The following UNC13C variants were observed in gnomAD, a reference collection of about 807,000 sequenced individuals.
UNC13C encodes protein unc-13 homolog C.
A neutral mutation model predicts 245.4 loss-of-function variants in UNC13C; 174 were observed. The observed-to-expected ratio is 0.71, with a 90% CI of 0.63 to 0.80. The LOEUF is 0.80. Among genes scored for constraint, UNC13C ranks in the 30% least tolerant of loss-of-function variants. The probability of loss-of-function intolerance (pLI) is 0.00; values close to 1 mark genes in which losing one functional copy is unlikely to be tolerated. For missense variants in UNC13C, 2,829 were observed against 2,602.9 expected, an observed-to-expected ratio of 1.09 and a Z score of -1.89; for synonymous variants, 992 against 895.1, an observed-to-expected ratio of 1.11 and a Z score of -1.93.
chr15:54,130,116 T>C (rs1304737821), intron 2 of UNC13C, among the ~76,000 whole-genome samples: 1 of 151,870 alleles, frequency 6.6e-6, no homozygotes, highest in East Asian at 1.9e-4. Context: ...ATGATTTCTT[T>C]TCCTATAAAA....
At chr15:54,122,952 A>G (rs950518008) in intron 2 of UNC13C, among the ~76,000 whole-genome samples, 6 of 151,912 alleles carry the variant, frequency 3.9e-5, no homozygotes, top group African/African-American at 1.2e-4. Context: ...ATGTATTTTA[A>G]TTTTTCTTTC....
chr15:53,848,006 G>A, the UNC13C span, among the ~76,000 whole-genome samples: 1 of 152,088 alleles, frequency 6.6e-6, no homozygotes, highest in Non-Finnish European at 1.5e-5. Context: ...TCATAAAATT[G>A]TTCATATTTC....
chr15:54,435,925 A>T (rs931624877), intron 19 of UNC13C, among the ~76,000 whole-genome samples: 1 of 151,992 alleles, frequency 6.6e-6, no homozygotes, highest in Non-Finnish European at 1.5e-5. Context: ...TGGGCAAACG[A>T]TATGAACAGA....
At chr15:54,369,040 C>A (rs2140879174) in intron 17 of UNC13C, among the ~76,000 whole-genome samples, 1 of 152,062 alleles carries the variant, frequency 6.6e-6, no homozygotes, top group Admixed American at 6.6e-5. Context: ...ATGATTTGTT[C>A]AAGTATAACT....
intron 17 of UNC13C, among the ~76,000 whole-genome samples, chr15:54,341,955 G>A (rs1006125987): frequency 4.8e-4 from 70 of 146,924 alleles, no homozygotes; most frequent in African/African-American, 1.4e-3. Flanking sequence ...CAGCCTGGGC[G>A]ACAGAGCGAG....
intron 2 of UNC13C, among the ~76,000 whole-genome samples, chr15:54,035,399 G>C (rs952789352): frequency 6.6e-6 from 1 of 151,788 alleles, no homozygotes; most frequent in Non-Finnish European, 1.5e-5. Flanking sequence ...TGCATGATTT[G>C]TATAGCAAAA....
At chr15:54,367,645 C>T (rs1002760457) in intron 17 of UNC13C, among the ~76,000 whole-genome samples, 4 of 152,080 alleles carry the variant, frequency 2.6e-5, no homozygotes, top group African/African-American at 9.7e-5. Context: ...TGTAAATGAT[C>T]CAACAAATTA....
the UNC13C span, chr15:53,955,810 C>T: frequency 1.3e-5 from 2 of 152,130 alleles, no homozygotes; most frequent in Non-Finnish European, 1.5e-5. Context: ...CATTTTAATC[C>T]GATTTCACCC....
the UNC13C span, among the ~76,000 whole-genome samples, chr15:53,956,329 A>G: frequency 0.16 from 23,660 of 152,080 alleles, 2,209 homozygotes; most frequent in Middle Eastern, 0.22. Context: ...TCTAAAATAA[A>G]AGTTGAAATT....
chr15:54,578,016 G>T (rs1898030967), intron 30 of UNC13C, among the ~76,000 whole-genome samples: 1 of 152,126 alleles, frequency 6.6e-6, no homozygotes, highest in Admixed American at 6.5e-5. Context: ...GCTTTCCACA[G>T]AAATATTTCC....
At chr15:54,054,020 C>T (rs8038088) in intron 2 of UNC13C, among the ~76,000 whole-genome samples, 47,088 of 152,022 alleles carry the variant, frequency 0.31, 7,254 homozygotes, top group South Asian at 0.36. Context: ...TTCATCCATT[C>T]GTCTGATGAT....
intron 30 of UNC13C, among the ~76,000 whole-genome samples, chr15:54,568,261 T>A (rs1304821153): frequency 6.6e-6 from 1 of 152,132 alleles, no homozygotes; most frequent in Non-Finnish European, 1.5e-5. Context: ...ACCAAGATAT[T>A]TTCTTCAATT....
chr15:54,621,576 G>A (rs1335854696), intron 30 of UNC13C, among the ~76,000 whole-genome samples: 1 of 152,118 alleles, frequency 6.6e-6, no homozygotes, highest in Non-Finnish European at 1.5e-5. Context: ...AATAGCTAGA[G>A]CATGTGCTTC....
At chr15:54,369,317 A>G (rs945453888) in intron 17 of UNC13C, among the ~76,000 whole-genome samples, 19 of 152,092 alleles carry the variant, frequency 1.2e-4, no homozygotes. Flanking sequence ...ACTTTCTCCC[A>G]CAACAAAAGC....
At chr15:54,024,913 T>G (rs1896045573) in intron 2 of UNC13C, among the ~76,000 whole-genome samples, 1 of 146,288 alleles carries the variant, frequency 6.8e-6, no homozygotes, top group Admixed American at 7.1e-5. Flanking sequence ...AAACTCCGTC[T>G]CAAAAAATAA....
At chr15:54,369,504 C>T (rs2140880063) in intron 17 of UNC13C, among the ~76,000 whole-genome samples, 1 of 152,146 alleles carries the variant, frequency 6.6e-6, no homozygotes, top group East Asian at 1.9e-4. Flanking sequence ...TAAAAATGCA[C>T]CACAAATTTT....
At chr15:53,954,069 T>A in the UNC13C span, among the ~76,000 whole-genome samples, 1 of 152,244 alleles carries the variant, frequency 6.6e-6, no homozygotes, top group Admixed American at 6.5e-5. Context: ...TTCTCATTCA[T>A]CATTTCCTAT....
intron 2 of UNC13C, among the ~76,000 whole-genome samples, chr15:54,116,763 T>C (rs1245493008): frequency 6.6e-6 from 1 of 152,130 alleles, no homozygotes; most frequent in Non-Finnish European, 1.5e-5. Flanking sequence ...TTCTTTAATA[T>C]ATTGATTTTC....
intron 2 of UNC13C, among the ~76,000 whole-genome samples, chr15:54,075,414 G>GCGGAGCTTGCAGTGAGC (rs201119532): frequency 1.7e-4 from 21 of 121,412 alleles, no homozygotes; most frequent in African/African-American, 7.2e-4. Flanking sequence ...GAACCTGAAG[G>GCGGAGCTTGCAGTGAGC]CGGAGCTTGC....
Sources: gnomAD v4.1 joint callset for allele counts (sites outside exome capture counted in the v4.1 genomes callset) on GRCh38, gnomAD v4.1.1 for gene constraint, MANE v1.5 for transcripts, NCBI Gene and HGNC (gene_info 2026-07-23, HGNC 2026-07-21) for gene names.